Variants in CACNA2D3 observed in about 807,000 individuals in gnomAD.
CACNA2D3 encodes calcium voltage-gated channel auxiliary subunit alpha2delta 3, also known as voltage-dependent calcium channel subunit alpha-2/delta-3.
A neutral mutation model predicts 160.6 loss-of-function variants in CACNA2D3; 60 were observed. That is an observed-to-expected ratio of 0.37 (90% CI 0.30 to 0.46). The LOEUF is 0.46. Among genes scored for constraint, CACNA2D3 ranks in the 20% least tolerant of loss-of-function variants. The pLI is 1.00. For synonymous variants in CACNA2D3, 558 were observed against 492.9 expected (o/e 1.13, Z -1.75); for missense variants, 1,205 against 1,365.0 (o/e 0.88, Z 1.85).
intron 5 of CACNA2D3, among the ~76,000 whole-genome samples, chr3:54,554,868 C>CTTTTTTTTTTTTTTTTTTTT (rs1248489904): frequency 1.1e-5 from 1 of 88,172 alleles, no homozygotes; most frequent in Non-Finnish European, 2.1e-5. Flanking sequence ...CTCTCTCACT[C>CTTTTTTTTTTTTTTTTTTTT]TCTTTTTTTT....
chr3:54,267,182 T>C (rs1161182645), intron 2 of CACNA2D3, among the ~76,000 whole-genome samples: 1 of 152,146 alleles, frequency 6.6e-6, no homozygotes, highest in African/African-American at 2.4e-5. Flanking sequence ...TGAGAAACAA[T>C]AGTTTTGTGT....
chr3:54,918,688 T>TC (rs765402823), intron 27 of CACNA2D3: 15 of 1,614,050 alleles, frequency 9.3e-6, no homozygotes, highest in Non-Finnish European at 1.2e-5. Context: ...GAGCTCGCAC[T>TC]CCAAGAGTTC....
intron 11 of CACNA2D3, among the ~76,000 whole-genome samples, chr3:54,733,277 C>A (rs531257578): frequency 2.0e-5 from 3 of 152,184 alleles, no homozygotes; most frequent in Non-Finnish European, 2.9e-5. Flanking sequence ...GAGTTACCCA[C>A]GTCACTTGGC....
chr3:54,406,025 T>C (rs997600998), intron 4 of CACNA2D3, among the ~76,000 whole-genome samples: 3 of 152,092 alleles, frequency 2.0e-5, no homozygotes, highest in African/African-American at 7.2e-5. Context: ...AGGATAACTG[T>C]TGTCAAAAAG....
intron 2 of CACNA2D3, among the ~76,000 whole-genome samples, chr3:54,178,126 G>C (rs1700710093): frequency 6.6e-6 from 1 of 152,176 alleles, no homozygotes. Context: ...CTTCCTTGCA[G>C]AGAGGAGCTG....
chr3:54,727,687 C>G (rs1163249510), intron 11 of CACNA2D3, among the ~76,000 whole-genome samples: 1 of 152,126 alleles, frequency 6.6e-6, no homozygotes, highest in Non-Finnish European at 1.5e-5. Flanking sequence ...TGTTCTCACT[C>G]ATAAGTGGGA....
intron 9 of CACNA2D3, chr3:54,626,450 T>A (rs1575390810): frequency 6.3e-7 from 1 of 1,596,484 alleles, no homozygotes; most frequent in East Asian, 2.3e-5. Flanking sequence ...AAGACGCACC[T>A]GCGTGACGTG....
At chr3:54,481,370 A>C (rs1391272571) in intron 4 of CACNA2D3, among the ~76,000 whole-genome samples, 1 of 152,186 alleles carries the variant, frequency 6.6e-6, no homozygotes, top group Non-Finnish European at 1.5e-5. Context: ...AACCTTAAGC[A>C]GATGGTTAAG....
intron 4 of CACNA2D3, among the ~76,000 whole-genome samples, chr3:54,465,407 G>A (rs983478219): frequency 4.6e-5 from 7 of 152,012 alleles, no homozygotes; most frequent in Admixed American, 4.6e-4. Context: ...ATTAGTTATT[G>A]TTAATCTCTT....
intron 9 of CACNA2D3, among the ~76,000 whole-genome samples, chr3:54,615,254 C>T (rs773068633): frequency 5.9e-5 from 9 of 152,158 alleles, no homozygotes; most frequent in Non-Finnish European, 1.2e-4. Context: ...GACTACTACT[C>T]ATTTGTTGGA....
At chr3:54,312,614 T>G (rs1285663846) in intron 2 of CACNA2D3, among the ~76,000 whole-genome samples, 1 of 152,174 alleles carries the variant, frequency 6.6e-6, no homozygotes. Flanking sequence ...TCGTGGTGTT[T>G]GTGTGAAATG....
At chr3:54,837,857 C>G (rs912000947) in intron 15 of CACNA2D3, among the ~76,000 whole-genome samples, 1 of 152,112 alleles carries the variant, frequency 6.6e-6, no homozygotes, top group African/African-American at 2.4e-5. Context: ...ACGCTAAATC[C>G]ACGATGATTT....
intron 4 of CACNA2D3, among the ~76,000 whole-genome samples, chr3:54,390,485 A>G (rs1699260703): frequency 6.6e-6 from 1 of 152,202 alleles, no homozygotes; most frequent in South Asian, 2.1e-4. Context: ...ATGTACAACA[A>G]AAGCATCAGA....
At chr3:54,906,263 A>C (rs1356009432) in intron 27 of CACNA2D3, among the ~76,000 whole-genome samples, 1 of 152,118 alleles carries the variant, frequency 6.6e-6, no homozygotes, top group Non-Finnish European at 1.5e-5. Flanking sequence ...GGAAGGAAGG[A>C]TTGATTTCTA....
rs1701455504 is a variant in CACNA2D3 at position 54,511,332 on chromosome 3, T to C, written c.544+7678T>C. On this transcript the variant is annotated intron_variant, in intron 5 of 37. Transcript: ENST00000474759. Reference sequence around the variant, plus strand: ...TTCACTGCACTCTCCTCCCTTGAACTTGGAGGCAGGGGCTGTGTTTTTTTT... The same window carrying C: ...TTCACTGCACTCTCCTCCCTTGAACCTGGAGGCAGGGGCTGTGTTTTTTTT... Among the ~76,000 whole-genome samples, 4 of 152,110 alleles carry C rather than the reference T, an allele frequency of 2.6e-5. No homozygotes were observed. In the South Asian group the frequency reaches 8.3e-4, roughly 32 times the overall value.
intron 11 of CACNA2D3, among the ~76,000 whole-genome samples, chr3:54,693,861 A>T (rs1700610395): frequency 6.6e-6 from 1 of 152,192 alleles, no homozygotes. Context: ...ATATTTTTGT[A>T]CAGCTGTACG....
At chr3:54,657,391 G>C (rs1456121415) in intron 11 of CACNA2D3, among the ~76,000 whole-genome samples, 1 of 152,118 alleles carries the variant, frequency 6.6e-6, no homozygotes, top group Non-Finnish European at 1.5e-5. Flanking sequence ...CACTTAACGT[G>C]AGATCTAATC....
chr3:54,276,741 G>T (rs553974742), intron 2 of CACNA2D3, among the ~76,000 whole-genome samples: 1 of 152,066 alleles, frequency 6.6e-6, no homozygotes, highest in East Asian at 1.9e-4. Flanking sequence ...GGATGGTAAA[G>T]AAGTTTTTTT....
In CACNA2D3 at chr3:54,132,885, A is replaced by G. The variant is rs535573648; in HGVS notation, c.204+9291A>G. ...TGTTCGCACCTCTCAAATGGGCACA[A>G]TGGTACTAACTTCTAGGGTGAGTTG... is the stretch of plus-strand genomic sequence containing the variant. On this transcript the variant is annotated intron_variant, in intron 2 of 37. Coordinates refer to ENST00000474759, the MANE Select transcript of CACNA2D3 (RefSeq NM_018398.3). Among the ~76,000 whole-genome samples the G allele has an allele frequency of 3.9e-5, 6 of 152,270 alleles. No individual in the cohort carries two copies. The East Asian group carries it at 1.2e-3, about 29-fold the overall frequency.
Sources: gnomAD v4.1 joint callset for allele counts (sites outside exome capture counted in the v4.1 genomes callset) on GRCh38, gnomAD v4.1.1 for gene constraint, MANE v1.5 for transcripts, NCBI Gene and HGNC (gene_info 2026-07-23, HGNC 2026-07-21) for gene names.